IGFL4: variants seen among roughly 807,000 people sequenced by gnomAD.
The protein encoded by IGFL4 is IGF like family member 4.
Under a neutral mutation model 15.4 loss-of-function variants are expected in IGFL4, and 12 were observed. That is an observed-to-expected ratio of 0.78 (90% CI 0.50 to 1.26). The LOEUF is 1.26. Ranked by LOEUF, IGFL4 falls within the 50% of genes most tolerant of loss-of-function variation. IGFL4 has a pLI of 0.00. For synonymous variants in IGFL4, 54 were observed against 55.9 expected, an observed-to-expected ratio of 0.97 and a Z score of 0.16; for missense variants, 126 against 147.8, an observed-to-expected ratio of 0.85 and a Z score of 0.76.
intron 1 of IGFL4, among the ~76,000 whole-genome samples, chr19:46,067,594 C>T (rs1053524109): frequency 1.3e-5 from 2 of 152,154 alleles, no homozygotes; most frequent in Admixed American, 6.5e-5. Flanking sequence ...CGACCCCATT[C>T]GTTTCCCACA....
chr19:46,051,334 C>T (rs1406141572), intron 2 of IGFL4, among the ~76,000 whole-genome samples: 1 of 152,132 alleles, frequency 6.6e-6, no homozygotes, highest in African/African-American at 2.4e-5. Flanking sequence ...CACCTGAGGT[C>T]AGGAGTTTGA....
chr19:46,050,114 G>A (rs1242861604), intron 2 of IGFL4, among the ~76,000 whole-genome samples: 1 of 152,180 alleles, frequency 6.6e-6, no homozygotes, highest in Admixed American at 6.5e-5. Context: ...TAGGGGAAAG[G>A]GGAGAGGACC....
chr19:46,058,945 A>G, intron 2 of IGFL4: 1 of 152,170 alleles, frequency 6.6e-6, no homozygotes, highest in African/African-American at 2.4e-5. Flanking sequence ...CCCTTTTTAG[A>G]CTATATAGGG....
chr19:46,041,433 T>G (rs573499891), upstream of IGFL4, among the ~76,000 whole-genome samples: 15 of 152,282 alleles, frequency 9.9e-5, no homozygotes, highest in South Asian at 3.1e-3. Flanking sequence ...ACCTGCACTG[T>G]CTATAATTTT....
intron 1 of IGFL4, among the ~76,000 whole-genome samples, chr19:46,070,277 T>C (rs1969533566): frequency 6.6e-6 from 1 of 152,152 alleles, no homozygotes; most frequent in South Asian, 2.1e-4. Context: ...TTTGTTACTA[T>C]ACATTTTCTC....
In IGFL4 at chr19:46,040,734, A is replaced by G. The variant is rs574428286; in HGVS notation, c.20-166T>C. ...GGGGACTGGGCTTGGCAGGTGAGGA[A>G]AGGCAGGGAGGGCTCTGGGAAAAGT... On this transcript the variant is annotated intron_variant, in intron 1 of 3. Coordinates refer to ENST00000377697, the MANE Select transcript of IGFL4 (RefSeq NM_001002923.3). This position sits in a 1 kb window ranked among gnomAD's most constrained non-coding sequence, Gnocchi z 4.1. 1.9e-4 allele frequency: 179 copies of G among 961,270 alleles called. 2 individuals are homozygous for G. In the South Asian group the frequency reaches 2.2e-3, roughly 12 times the overall value. The allele number at this position is 961,270 out of a possible 1,614,324, so 59.5% of individuals were successfully genotyped here.
At chr19:46,056,820 C>A (rs2146519968) in intron 2 of IGFL4, among the ~76,000 whole-genome samples, 1 of 152,360 alleles carries the variant, frequency 6.6e-6, no homozygotes, top group East Asian at 1.9e-4. Flanking sequence ...ACTTGCTATT[C>A]CTCCAGCATA....
Position 46,040,758 on chromosome 19 carries a change from G to A in IGFL4, c.19+186C>T. The A allele has an allele frequency of 1.1e-6, 1 of 948,542 alleles. No individual in the cohort carries two copies. Among genetic ancestry groups the A allele is most frequent in the Non-Finnish European group, 1.6e-6 (1 of 607,938 alleles). 58.8% of individuals were successfully genotyped at this position (948,542 alleles called of 1,614,324 possible). Reference sequence around the variant, plus strand: ...AAAGGCAGGGAGGGCTCTGGGAAAAGTTAAGCTTCTGGAATTTGCAGTTCA... The same window carrying A: ...AAAGGCAGGGAGGGCTCTGGGAAAAATTAAGCTTCTGGAATTTGCAGTTCA... On this transcript the variant is annotated intron_variant, in intron 1 of 3. Coordinates refer to ENST00000377697, the MANE Select transcript of IGFL4 (RefSeq NM_001002923.3). This position sits in a 1 kb window ranked among gnomAD's most constrained non-coding sequence, Gnocchi z 4.1.
chr19:46,053,940 G>A (rs1344071194), intron 2 of IGFL4, among the ~76,000 whole-genome samples: 1 of 152,008 alleles, frequency 6.6e-6, no homozygotes, highest in Admixed American at 6.6e-5. Flanking sequence ...TGTCTGTTCA[G>A]ATCATTTGCC....
Position 46,039,946 on chromosome 19 carries a change from G to A in IGFL4, c.331-10C>T. 6.2e-7 allele frequency: 1 copy of A among 1,611,556 alleles called. No homozygotes were observed. ...TTTTTGGGTGGTATTCCTGCAGAAG[G>A]AGAGAAGTGGGAGAGGGGAATAAGA... On this transcript the variant is annotated splice_polypyrimidine_tract_variant and intron_variant, in intron 3 of 3. Coordinates refer to ENST00000377697, the MANE Select transcript of IGFL4 (RefSeq NM_001002923.3).
At chr19:46,048,421 G>T (rs1016228739) in intron 2 of IGFL4, among the ~76,000 whole-genome samples, 3 of 152,104 alleles carry the variant, frequency 2.0e-5, no homozygotes, top group African/African-American at 7.2e-5. Flanking sequence ...TCTGGCCAGG[G>T]CAATTAGGCT....
intron 2 of IGFL4, among the ~76,000 whole-genome samples, chr19:46,053,707 A>T (rs1358648883): frequency 6.6e-6 from 1 of 152,172 alleles, no homozygotes; most frequent in Non-Finnish European, 1.5e-5. Flanking sequence ...ATACTGTTCT[A>T]CATAGTGGTG....
chr19:46,044,072 A>G (rs1114090), upstream of IGFL4, among the ~76,000 whole-genome samples: 74,500 of 151,906 alleles, frequency 0.49, 18,579 homozygotes, highest in East Asian at 0.68. Context: ...TGGTCCACCC[A>G]GGAGCAGTGT....
intron 1 of IGFL4, among the ~76,000 whole-genome samples, chr19:46,071,041 T>G (rs183060114): frequency 4.0e-4 from 61 of 152,174 alleles, no homozygotes; most frequent in African/African-American, 1.3e-3. Context: ...CCATTCATGA[T>G]GCTCTCTAGA....
At chr19:46,048,873 C>T (rs768453866) in intron 2 of IGFL4, among the ~76,000 whole-genome samples, 1 of 152,120 alleles carries the variant, frequency 6.6e-6, no homozygotes, top group Non-Finnish European at 1.5e-5. Flanking sequence ...AATGCTATTC[C>T]CATTAAACTA....
chr19:46,070,657 C>T (rs1969537621), intron 1 of IGFL4, among the ~76,000 whole-genome samples: 1 of 135,028 alleles, frequency 7.4e-6, no homozygotes, highest in African/African-American at 3.1e-5. Context: ...GGAGAAGCAC[C>T]CTCACTTACA....
chr19:46,041,594 T>A (rs1969243932), upstream of IGFL4, among the ~76,000 whole-genome samples: 2 of 151,956 alleles, frequency 1.3e-5, no homozygotes, highest in South Asian at 4.2e-4. Context: ...AGCACCTTTT[T>A]TTTTTTTTTG....
Position 46,040,429 on chromosome 19 carries a change from G to A in IGFL4, c.71-13C>T. ...CACAGTCTAAGATCTGGAAGAGTCGGGGCTGGATGGGCTGCAAGGACCAGC... is the reference window on the plus strand; with the variant it reads ...CACAGTCTAAGATCTGGAAGAGTCGAGGCTGGATGGGCTGCAAGGACCAGC... On this transcript the variant is annotated splice_polypyrimidine_tract_variant and intron_variant, in intron 2 of 3. Transcript: ENST00000377697. The surrounding 1 kb of genome is among the most constrained non-coding windows in gnomAD (Gnocchi z 4.1). 6.2e-7 allele frequency: 1 copy of A among 1,613,660 alleles called. No individual in the cohort carries two copies. Among genetic ancestry groups the A allele is most frequent in the Non-Finnish European group, 8.5e-7 (1 of 1,179,600 alleles).
At chr19:46,051,438 A>G (rs986790080) in intron 2 of IGFL4, among the ~76,000 whole-genome samples, 2 of 152,106 alleles carry the variant, frequency 1.3e-5, no homozygotes, top group Non-Finnish European at 2.9e-5. Flanking sequence ...CCAGCTACTC[A>G]GGAGGCTGAG....
Sources: allele counts gnomAD v4.1 joint callset (sites outside exome capture counted in the v4.1 genomes callset), GRCh38; gene constraint gnomAD v4.1.1; non-coding constraint Gnocchi (gnomAD v3.1); transcripts MANE v1.5; gene names NCBI Gene and HGNC (gene_info 2026-07-23, HGNC 2026-07-21).